RAI1: variants seen among roughly 807,000 people sequenced by gnomAD.
RAI1 encodes retinoic acid-induced protein 1.
A neutral mutation model predicts 123.8 loss-of-function variants in RAI1; 9 were observed. The ratio of observed to expected loss-of-function variants is 0.07; its 90% CI spans 0.04 to 0.13. The LOEUF (loss-of-function observed/expected upper bound fraction) is 0.13. RAI1 is among the 10% of genes least tolerant of loss of function. RAI1 has a pLI of 1.00. For synonymous variants in RAI1, 1,231 were observed against 1,127.3 expected (o/e 1.09, Z -1.84); for missense variants, 2,256 against 2,545.8 (o/e 0.89, Z 2.45).
At chr17:17,732,681 A>C (rs1916309199) in intron 2 of RAI1, among the ~76,000 whole-genome samples, 1 of 152,162 alleles carries the variant, frequency 6.6e-6, no homozygotes, top group Non-Finnish European at 1.5e-5. Context: ...ATTTGACAGA[A>C]GAGCACACCA....
rs1374219031 is a variant in RAI1 at position 17,768,955 on chromosome 17, T to A, written c.-16-23978T>A. 2.6e-5 allele frequency among the ~76,000 whole-genome samples: 4 copies of A among 152,188 alleles called. No individual in the cohort carries two copies. The East Asian group carries it at 7.8e-4, about 30-fold the overall frequency. On this transcript the variant is annotated intron_variant, in intron 2 of 5. Coordinates refer to ENST00000353383, the MANE Select transcript of RAI1 (RefSeq NM_030665.4). ...GGTATTCAGAAGGCTGAAGTGACAG[T>A]GTCAGGCAGTTTGGGGGGCAGATGA... is the stretch of plus-strand genomic sequence containing the variant.
chr17:17,705,603 G>T (rs535868186), intron 1 of RAI1, among the ~76,000 whole-genome samples: 4 of 152,262 alleles, frequency 2.6e-5, no homozygotes, highest in Admixed American at 1.3e-4. Flanking sequence ...GCACACACTT[G>T]CAGTCCCAGC....
intron 1 of RAI1, among the ~76,000 whole-genome samples, chr17:17,704,752 G>C (rs1308753148): frequency 6.6e-6 from 1 of 151,858 alleles, no homozygotes. Context: ...TCTGCTGCTT[G>C]TGTTGTTATT....
chr17:17,758,338 G>A (rs974467971), intron 2 of RAI1, among the ~76,000 whole-genome samples: 4 of 152,216 alleles, frequency 2.6e-5, no homozygotes, highest in African/African-American at 9.7e-5. Context: ...GCTGAAAGGA[G>A]GTCCCAGCTG....
At position 17,722,553 on chromosome 17, in the gene RAI1, C is replaced by T. The variant is rs987685888; in HGVS notation, c.-148-1475C>T. ...GGAAACCTAGAGGCGCGGTTTGGCC[C>T]CAAGGTCCCCGGTCCCGCTCTTCTT... On this transcript the variant is annotated intron_variant, in intron 1 of 5. Transcript: ENST00000353383. Among the ~76,000 whole-genome samples the T allele has an allele frequency of 2.6e-5, 4 of 152,212 alleles. No homozygotes were observed. In the South Asian group the frequency reaches 6.2e-4, roughly 24 times the overall value.
In RAI1 at chr17:17,799,409, C is replaced by A. The variant is rs115172803; in HGVS notation, c.5565+896C>A. On this transcript the variant is annotated intron_variant, in intron 3 of 5. Coordinates refer to ENST00000353383, the MANE Select transcript of RAI1 (RefSeq NM_030665.4). This position sits in a 1 kb window ranked among gnomAD's most constrained non-coding sequence, Gnocchi z 4.5. ...ACCACTTCCCCAGTACCATAGAGTA[C>A]CTCTGTGCCCTTCTGAGGGAGGGGT... is the stretch of plus-strand genomic sequence containing the variant. Among the ~76,000 whole-genome samples, 44 of 152,248 alleles carry A rather than the reference C, an allele frequency of 2.9e-4. No homozygotes were observed. Among genetic ancestry groups the A allele is most frequent in the Middle Eastern group, 3.4e-3 (1 of 292 alleles).
At chr17:17,775,039 G>A (rs1320324046) in intron 2 of RAI1, among the ~76,000 whole-genome samples, 1 of 151,990 alleles carries the variant, frequency 6.6e-6, no homozygotes, top group Admixed American at 6.6e-5. Flanking sequence ...ATTTTATAAC[G>A]TGTTCCTTTG....
Position 17,792,478 on chromosome 17 carries a change from G to A in RAI1, c.-16-455G>A, listed in dbSNP as rs528220701. Among the ~76,000 whole-genome samples the A allele has an allele frequency of 3.7e-4, 56 of 152,062 alleles. 1 individual carries two copies. The South Asian group carries it at 5.2e-3, about 14-fold the overall frequency. On this transcript the variant is annotated intron_variant, in intron 2 of 5. Coordinates refer to ENST00000353383, the MANE Select transcript of RAI1 (RefSeq NM_030665.4). ...AATTACAGGATCCAGCAGGCCCCAG[G>A]GGATGAGGGAGCGGGAATTGCTCTG...
At chr17:17,692,806 G>A (rs1300461367) in intron 1 of RAI1, among the ~76,000 whole-genome samples, 4 of 152,178 alleles carry the variant, frequency 2.6e-5, no homozygotes, top group African/African-American at 7.2e-5. Context: ...TGCTGTAAGG[G>A]TTAAATTCAG....
At position 17,798,080 on chromosome 17, in the gene RAI1, G is replaced by A; in HGVS notation, c.5132G>A (p.Cys1711Tyr). ...TGTGGGCCCTACTACCCTGAACACT[G>A]CCTCCCCAAAAAGAAGCCAAAACTC... ...DLCGPYYPEHCLPKKKPKLKE... is the reference protein window; with the variant it reads ...DLCGPYYPEHYLPKKKPKLKE... Residue 1711 changes from cysteine to tyrosine, a missense_variant, in exon 3 of 6, where the codon TGC becomes TAC. By Grantham distance (194) the Cys-to-Tyr change is radical (BLOSUM62 -2). Transcript: ENST00000353383. 2 of 1,613,962 alleles carry A rather than the reference G, an allele frequency of 1.2e-6. No individual in the cohort carries two copies. The highest frequency in any genetic ancestry group is 2.2e-5 in the South Asian group (2 of 91,086).
At chr17:17,749,516 A>G (rs1168710206) in intron 2 of RAI1, among the ~76,000 whole-genome samples, 3 of 152,248 alleles carry the variant, frequency 2.0e-5, no homozygotes, top group African/African-American at 4.8e-5. Flanking sequence ...GGCTATTAGC[A>G]TGGCCACAAT....
In RAI1 at chr17:17,793,458, C is replaced by T; in HGVS notation, c.510C>T (p.Ser170=). 6.2e-7 allele frequency: 1 copy of T among 1,613,360 alleles called. No individual in the cohort carries two copies. Among genetic ancestry groups the T allele is most frequent in the Non-Finnish European group, 8.5e-7 (1 of 1,179,690 alleles). Residue 170 remains serine (S), a synonymous_variant, in exon 3 of 6, where the codon TCC becomes TCT. Coordinates refer to ENST00000353383, the MANE Select transcript of RAI1 (RefSeq NM_030665.4). The part of the protein sequence containing the change: ...QGAQVPFRTH[S]LHVQQPPPPQ... ...CCCAGGTGCCCTTTCGGACTCACTC[C>T]CTGCACGTCCAGCAGCCACCGCCGC...
intron 1 of RAI1, among the ~76,000 whole-genome samples, chr17:17,720,345 C>T (rs1037373211): frequency 1.3e-5 from 2 of 152,182 alleles, no homozygotes; most frequent in Admixed American, 6.5e-5. Flanking sequence ...TGTGAGCACC[C>T]CTACCATCCC....
chr17:17,713,648 TAAA>T (rs1915630131), intron 1 of RAI1, among the ~76,000 whole-genome samples: 1 of 96,540 alleles, frequency 1.0e-5, no homozygotes, highest in African/African-American at 4.7e-5. Context: ...TCTCAAAAAA[TAAA>T]TAAATAATAA....
chr17:17,742,336 A>G (rs1567864956), intron 2 of RAI1, among the ~76,000 whole-genome samples: 1 of 152,236 alleles, frequency 6.6e-6, no homozygotes, highest in Non-Finnish European at 1.5e-5. Flanking sequence ...CTTAATGAAT[A>G]TTTGTGGAAT....
chr17:17,785,590 G>T (rs189459841), intron 2 of RAI1, among the ~76,000 whole-genome samples: 9 of 152,152 alleles, frequency 5.9e-5, no homozygotes, highest in Non-Finnish European at 1.3e-4. Context: ...GTGGCGCCTC[G>T]CCCGGTGTCT....
intron 1 of RAI1, chr17:17,682,495 C>G (rs1484805575): frequency 1.3e-5 from 2 of 151,996 alleles, no homozygotes; most frequent in Non-Finnish European, 2.9e-5. Context: ...GCGAGCCTTG[C>G]GCCCCACAGA....
At chr17:17,784,492 C>A (rs2031750094) in intron 2 of RAI1, among the ~76,000 whole-genome samples, 1 of 152,220 alleles carries the variant, frequency 6.6e-6, no homozygotes, top group African/African-American at 2.4e-5. Context: ...AGCCACTGGC[C>A]CACTCTGGGC....
chr17:17,802,246 T>G, intron 3 of RAI1: 1 of 456,632 alleles, frequency 2.2e-6, no homozygotes, highest in Admixed American at 2.4e-5. Context: ...TTACATGAAG[T>G]CAGCCATCTC....
Sources: allele counts gnomAD v4.1 joint callset (sites outside exome capture counted in the v4.1 genomes callset), GRCh38; gene constraint gnomAD v4.1.1; non-coding constraint Gnocchi (gnomAD v3.1); transcripts MANE v1.5; gene names NCBI Gene and HGNC (gene_info 2026-07-23, HGNC 2026-07-21).